The following AP1G1 variants were observed in gnomAD, a reference collection of about 807,000 sequenced individuals.
AP1G1 encodes adaptor related protein complex 1 subunit gamma 1, also known as AP-1 complex subunit gamma-1.
Under a neutral mutation model 108.3 loss-of-function variants are expected in AP1G1, and 7 were observed. That is an observed-to-expected ratio of 0.06 (90% CI 0.04 to 0.12). The LOEUF (loss-of-function observed/expected upper bound fraction) is 0.12. Ranked by LOEUF, AP1G1 falls within the 10% of genes least tolerant of loss-of-function variation. The pLI is 1.00. For synonymous variants in AP1G1, 379 were observed against 353.5 expected, an observed-to-expected ratio of 1.07 and a Z score of -0.81; for missense variants, 756 against 1,010.7, an observed-to-expected ratio of 0.75 and a Z score of 3.42.
At chr16:71,749,198 T>C (rs1427578706) in intron 15 of AP1G1, among the ~76,000 whole-genome samples, 1 of 151,690 alleles carries the variant, frequency 6.6e-6, no homozygotes, top group Non-Finnish European at 1.5e-5. Flanking sequence ...ATTACAGGCA[T>C]GAGCCACCAC....
At chr16:71,790,215 C>T (rs2032348238) in intron 1 of AP1G1, among the ~76,000 whole-genome samples, 1 of 151,780 alleles carries the variant, frequency 6.6e-6, no homozygotes, top group African/African-American at 2.4e-5. Flanking sequence ...CTATAGTAAT[C>T]AGGGAAATGT....
chr16:71,788,616 C>T lies in AP1G1; in HGVS notation c.201+663G>A, dbSNP rs76007183. 3.3e-3 allele frequency among the ~76,000 whole-genome samples: 502 copies of T among 151,824 alleles called. 2 individuals are homozygous for T. Among genetic ancestry groups the T allele is most frequent in the East Asian group, 6.2e-3 (32 of 5,152 alleles). On this transcript the variant is annotated intron_variant, in intron 2 of 22. Transcript: ENST00000299980. ...ACATATTGTGAACTTCTCCACACAA[C>T]GCTGTGCCCAGATAAAGCAATTAAG...
chr16:71,756,996 T>C (rs2030825714), intron 11 of AP1G1, among the ~76,000 whole-genome samples: 1 of 151,440 alleles, frequency 6.6e-6, no homozygotes, highest in Non-Finnish European at 1.5e-5. Context: ...AAATGGCATG[T>C]CCTAGGAGGA....
At position 71,745,085 on chromosome 16, in the gene AP1G1, A is replaced by G. The variant is rs1236295974; in HGVS notation, c.1999+59T>C. On this transcript the variant is annotated intron_variant, in intron 19 of 22. Coordinates refer to ENST00000299980, the MANE Select transcript of AP1G1 (RefSeq NM_001128.6). ...GTGCTGGAAAGTCTGGGTTCAGTTT[A>G]GTTTTTCCCTGAGGCCTCTATCTTT... 4 of 1,588,652 alleles carry G rather than the reference A, an allele frequency of 2.5e-6. No individual in the cohort carries two copies. In the Admixed American group the frequency reaches 5.4e-5, roughly 21 times the overall value.
chr16:71,789,811 C>T (rs987075979), intron 1 of AP1G1, among the ~76,000 whole-genome samples: 1 of 152,094 alleles, frequency 6.6e-6, no homozygotes, highest in Non-Finnish European at 1.5e-5. Flanking sequence ...TTACTCAATC[C>T]TTAAAGTAAT....
intron 13 of AP1G1, among the ~76,000 whole-genome samples, chr16:71,751,535 AAGAC>A (rs2030507220): frequency 6.6e-6 from 1 of 152,042 alleles, no homozygotes; most frequent in Non-Finnish European, 1.5e-5. Flanking sequence ...AAGAAACACA[AAGAC>A]AGAGGAAGAA....
intron 21 of AP1G1, 45 bp downstream of exon 21, chr16:71,738,897 C>A (rs1237438495): frequency 4.6e-6 from 7 of 1,523,632 alleles, no homozygotes; most frequent in South Asian, 2.5e-5. Context: ...AAAAAGCCAG[C>A]CAATCTTTAA....
chr16:71,803,414 G>A (rs1162478930), intron 1 of AP1G1, among the ~76,000 whole-genome samples: 2 of 151,598 alleles, frequency 1.3e-5, no homozygotes, highest in Non-Finnish European at 2.9e-5. Flanking sequence ...CAAGTACCTA[G>A]TGAAAAAAAG....
chr16:71,808,539 C>G, intron 1 of AP1G1: 2 of 1,284,154 alleles, frequency 1.6e-6, no homozygotes, highest in Non-Finnish European at 2.0e-6. Flanking sequence ...AACGCCGCGG[C>G]GCGCGGAACC....
chr16:71,782,552 T>C (rs1324272656), intron 2 of AP1G1, among the ~76,000 whole-genome samples: 2 of 151,814 alleles, frequency 1.3e-5, no homozygotes, highest in East Asian at 3.8e-4. Context: ...AGTGGCGCAG[T>C]CTTGGCTCAC....
At chr16:71,807,484 T>C (rs934777610) in intron 1 of AP1G1, among the ~76,000 whole-genome samples, 1 of 152,170 alleles carries the variant, frequency 6.6e-6, no homozygotes, top group Non-Finnish European at 1.5e-5. Flanking sequence ...CATGCTAGAC[T>C]GCAAACATGC....
intron 11 of AP1G1, 113 bp from the exon 12 acceptor site, chr16:71,756,272 G>C: frequency 1.2e-6 from 1 of 839,776 alleles, no homozygotes; most frequent in South Asian, 2.3e-5. Context: ...TGACGTCCTT[G>C]CACGATCTTG....
chr16:71,769,923 T>C lies in AP1G1; in HGVS notation c.566-224A>G, dbSNP rs564717497. On this transcript the variant is annotated intron_variant, in intron 5 of 22. Coordinates refer to ENST00000299980, the MANE Select transcript of AP1G1 (RefSeq NM_001128.6). ...AAAATCGGAATGTTTTCAACAATTA[T>C]GTGATCAAAATAATTATGAAAAAGT... 7.2e-5 allele frequency among the ~76,000 whole-genome samples: 11 copies of C among 152,338 alleles called. No homozygotes were observed. In the South Asian group the frequency reaches 2.3e-3, roughly 32 times the overall value.
At chr16:71,744,179 G>A (rs1309182545) in intron 19 of AP1G1, among the ~76,000 whole-genome samples, 1 of 152,108 alleles carries the variant, frequency 6.6e-6, no homozygotes, top group African/African-American at 2.4e-5. Flanking sequence ...GGGAGGCGGA[G>A]GTTGCAGTGA....
At chr16:71,768,160 G>C (rs1207114002) in intron 6 of AP1G1, among the ~76,000 whole-genome samples, 6 of 110,940 alleles carry the variant, frequency 5.4e-5, no homozygotes, top group African/African-American at 1.3e-4. Context: ...ATTAAGTGGA[G>C]AAACAGAAAT....
chr16:71,733,069 A>T lies in AP1G1; in HGVS notation c.2458T>A (p.Ser820Thr). 1.9e-6 allele frequency: 3 copies of T among 1,613,220 alleles called. No homozygotes were observed. The highest frequency in any genetic ancestry group is 2.5e-6 in the Non-Finnish European group (3 of 1,179,230). ...ATGGTGCCAAACCCTCATTGCCAGGACTGAGGGGGAAAGTTGTTCACCTCT... is the reference window on the plus strand; with the variant it reads ...ATGGTGCCAAACCCTCATTGCCAGGTCTGAGGGGGAAAGTTGTTCACCTCT... ...LAEVNNFPPQSWQ is the reference protein window; with the variant it reads ...LAEVNNFPPQTWQ Residue 820 changes from serine (S) to threonine (T), a missense_variant, in exon 23 of 23, where the codon TCC (serine) becomes ACC (threonine). Transcript: ENST00000299980.
chr16:71,801,655 G>A (rs2032804471), intron 1 of AP1G1, among the ~76,000 whole-genome samples: 1 of 152,188 alleles, frequency 6.6e-6, no homozygotes, highest in Admixed American at 6.5e-5. Context: ...GCCGGGCGCG[G>A]TGGGTCACGC....
intron 7 of AP1G1, 61 bp downstream of exon 7, chr16:71,765,428 T>G: frequency 8.2e-7 from 1 of 1,216,192 alleles, no homozygotes; most frequent in Non-Finnish European, 1.2e-6. Flanking sequence ...AGGAAGGAAA[T>G]TGTCTACTTA....
chr16:71,745,349 G>A (rs2030117943), intron 18 of AP1G1, 79 bp from the exon 19 acceptor site: 1 of 1,599,232 alleles, frequency 6.3e-7, no homozygotes, highest in Non-Finnish European at 8.5e-7. Context: ...CTTTCAATAT[G>A]TAAAAATAAG....
Sources: gnomAD v4.1 joint callset for allele counts (sites outside exome capture counted in the v4.1 genomes callset) on GRCh38, gnomAD v4.1.1 for gene constraint, MANE v1.5 for transcripts, NCBI Gene and HGNC (gene_info 2026-07-23, HGNC 2026-07-21) for gene names.